CHP1: variants seen among roughly 807,000 people sequenced by gnomAD.
CHP1 encodes calcineurin B homologous protein 1.
A neutral mutation model predicts 27.4 loss-of-function variants in CHP1; 11 were observed. That is an observed-to-expected ratio of 0.40 (90% CI 0.25 to 0.67). CHP1 has a LOEUF of 0.67. Among genes scored for constraint, CHP1 ranks in the 30% least tolerant of loss-of-function variants. The pLI is 0.38. For missense variants in CHP1, 169 were observed against 251.3 expected, an observed-to-expected ratio of 0.67 and a Z score of 2.22; for synonymous variants, 89 against 87.4, an observed-to-expected ratio of 1.02 and a Z score of -0.10.
At chr15:41,276,462 A>T (rs1362445959) in intron 5 of CHP1, among the ~76,000 whole-genome samples, 2 of 152,124 alleles carry the variant, frequency 1.3e-5, no homozygotes, top group Non-Finnish European at 2.9e-5. Flanking sequence ...GCCTTTCCAT[A>T]TTGCCTGACA....
chr15:41,261,889 G>A (rs1259731812), intron 3 of CHP1, among the ~76,000 whole-genome samples: 1 of 152,056 alleles, frequency 6.6e-6, no homozygotes, highest in Non-Finnish European at 1.5e-5. Flanking sequence ...CTACTCCAGA[G>A]GCTGGGGCAG....
intron 1 of CHP1, among the ~76,000 whole-genome samples, chr15:41,242,666 G>A (rs139055899): frequency 8.1e-4 from 123 of 151,776 alleles, no homozygotes; most frequent in African/African-American, 2.9e-3. Context: ...AAAATAGGCC[G>A]GGCATGGTGG....
rs147706117 is a variant in CHP1, at chr15:41,278,796, C to G, written c.441C>G (p.Ile147Met). 6.2e-7 allele frequency: 1 copy of G among 1,614,028 alleles called. No homozygotes were observed. The highest frequency in any genetic ancestry group is 1.3e-5 in the African/African-American group (1 of 74,912). ...TACGCATGATGGTCGGAGTAAATATCTCAGATGAGCAGCTGGGCAGCATCG... is the reference window on the plus strand; with the variant it reads ...TACGCATGATGGTCGGAGTAAATATGTCAGATGAGCAGCTGGGCAGCATCG... ...QVLRMMVGVN[I>M]SDEQLGSIAD... Residue 147 changes from isoleucine to methionine, a missense_variant, in exon 6 of 7, where the codon ATC becomes ATG. Coordinates refer to ENST00000334660, the MANE Select transcript of CHP1 (RefSeq NM_007236.5).
chr15:41,249,830 A>T (rs2047356071), intron 2 of CHP1, among the ~76,000 whole-genome samples: 1 of 140,696 alleles, frequency 7.1e-6, no homozygotes. Context: ...CACTTCAACA[A>T]TTTTTTTTTT....
intron 5 of CHP1, chr15:41,272,236 G>C (rs902627856): frequency 5.5e-4 from 82 of 148,136 alleles, no homozygotes; most frequent in African/African-American, 1.8e-3. Flanking sequence ...AACCTCAAGT[G>C]ATCCACCCAC....
chr15:41,246,104 A>G (rs549621037), intron 2 of CHP1, among the ~76,000 whole-genome samples: 90 of 152,300 alleles, frequency 5.9e-4, no homozygotes, highest in African/African-American at 2.1e-3. Flanking sequence ...TAACTAGACT[A>G]GAAATCCCTA....
intron 1 of CHP1, among the ~76,000 whole-genome samples, chr15:41,236,574 G>C (rs1385759571): frequency 6.6e-6 from 1 of 152,096 alleles, no homozygotes; most frequent in Admixed American, 6.6e-5. Flanking sequence ...TTTTGCGGGG[G>C]CAAGGAGGGG....
At chr15:41,276,843 G>C (rs1420374743) in intron 5 of CHP1, among the ~76,000 whole-genome samples, 1 of 152,168 alleles carries the variant, frequency 6.6e-6, no homozygotes, top group African/African-American at 2.4e-5. Context: ...AGAATGTTTG[G>C]CATAGATTGT....
At chr15:41,269,573 T>G (rs923492422) in intron 4 of CHP1, among the ~76,000 whole-genome samples, 3 of 152,152 alleles carry the variant, frequency 2.0e-5, no homozygotes, top group Non-Finnish European at 4.4e-5. Context: ...TGCCATACAC[T>G]TTGTTCCCCC....
At chr15:41,264,302 G>A (rs2047449788) in intron 4 of CHP1, 1 of 850,136 alleles carries the variant, frequency 1.2e-6, no homozygotes, top group African/African-American at 1.8e-5. Flanking sequence ...GAGGAGATTA[G>A]GCTAATGAGA....
Position 41,237,641 on chromosome 15 carries a change from C to G in CHP1, c.68-6026C>G, listed in dbSNP as rs186116166. Reference sequence around the variant, plus strand: ...TCAACTTTCCTTTATCTAGAGCTACCTTTAGCTGTACTTGTAATCTTTACA... The same window carrying G: ...TCAACTTTCCTTTATCTAGAGCTACGTTTAGCTGTACTTGTAATCTTTACA... On this transcript the variant is annotated intron_variant, in intron 1 of 6. Coordinates refer to ENST00000334660, the MANE Select transcript of CHP1 (RefSeq NM_007236.5). Among the ~76,000 whole-genome samples, 8 of 152,278 alleles carry G rather than the reference C, an allele frequency of 5.3e-5. No individual in the cohort carries two copies. The South Asian group carries it at 1.0e-3, about 20-fold the overall frequency.
At chr15:41,241,079 T>C (rs1164183356) in intron 1 of CHP1, among the ~76,000 whole-genome samples, 2 of 152,112 alleles carry the variant, frequency 1.3e-5, no homozygotes, top group Admixed American at 6.6e-5. Flanking sequence ...TCTCGATCTC[T>C]TTTCCTCAGC....
intron 5 of CHP1, among the ~76,000 whole-genome samples, chr15:41,276,738 C>A (rs577246573): frequency 6.6e-6 from 1 of 152,310 alleles, no homozygotes; most frequent in Admixed American, 6.5e-5. Flanking sequence ...TGGCTTAATG[C>A]AGCACTTCGA....
At chr15:41,278,301 C>G (rs1013401483) in intron 5 of CHP1, among the ~76,000 whole-genome samples, 3 of 148,388 alleles carry the variant, frequency 2.0e-5, no homozygotes, top group Non-Finnish European at 4.4e-5. Context: ...CCACTGCCCT[C>G]CAGCCTGGGC....
chr15:41,273,228 A>T (rs79693230), intron 5 of CHP1, among the ~76,000 whole-genome samples: 1 of 152,098 alleles, frequency 6.6e-6, no homozygotes, highest in Non-Finnish European at 1.5e-5. Context: ...CCAAGGTGCA[A>T]TTATACTAGA....
chr15:41,272,395 G>T (rs570840210), intron 5 of CHP1: 5 of 152,194 alleles, frequency 3.3e-5, no homozygotes, highest in Admixed American at 1.3e-4. Flanking sequence ...TGAGGCTAGC[G>T]TAACTTTTGC....
chr15:41,275,029 C>T (rs531429359), intron 5 of CHP1, among the ~76,000 whole-genome samples: 11 of 152,074 alleles, frequency 7.2e-5, no homozygotes, highest in Non-Finnish European at 1.5e-4. Flanking sequence ...ACCTCGTCAT[C>T]CACCTGCCTC....
In CHP1 at chr15:41,243,700, G is replaced by T; in HGVS notation, c.101G>T (p.Arg34Leu). 6.2e-7 allele frequency: 1 copy of T among 1,613,994 alleles called. No individual in the cohort carries two copies. The highest frequency in any genetic ancestry group is 8.5e-7 in the Non-Finnish European group (1 of 1,179,982). The change falls in exon 2 of 7, where the codon CGG (arginine) becomes CTG (leucine). Residue 34 changes from arginine to leucine, a missense_variant. Arg to Leu is a moderately radical substitution (Grantham distance 102). Transcript: ENST00000334660. ...SHSQITRLYSRFTSLDKGENG... is the reference protein window; with the variant it reads ...SHSQITRLYSLFTSLDKGENG... ...AGTCAAATCACTCGCCTCTACAGCC[G>T]GTTCACCAGCCTGGACAAAGGAGAG...
chr15:41,252,303 G>A (rs926417973), intron 2 of CHP1, among the ~76,000 whole-genome samples: 1 of 151,850 alleles, frequency 6.6e-6, no homozygotes, highest in Non-Finnish European at 1.5e-5. Flanking sequence ...CAAGTAGCTG[G>A]GATTACAGGC....
Sources: allele counts gnomAD v4.1 joint callset (sites outside exome capture counted in the v4.1 genomes callset), GRCh38; gene constraint gnomAD v4.1.1; transcripts MANE v1.5; gene names NCBI Gene and HGNC (gene_info 2026-07-23, HGNC 2026-07-21).